Variants in CEP290 observed in about 807,000 individuals in gnomAD.
CEP290 encodes the protein centrosomal protein 290, also known as centrosomal protein of 290 kDa.
A neutral mutation model predicts 344.9 loss-of-function variants in CEP290; 317 were observed. The ratio of observed to expected loss-of-function variants is 0.92; its 90% CI spans 0.84 to 1.01. The LOEUF is 1.01. CEP290 is among the 50% of genes least tolerant of loss of function. The probability of loss-of-function intolerance (pLI) is 0.00; values close to 1 mark genes in which losing one functional copy is unlikely to be tolerated. For synonymous variants in CEP290, 932 were observed against 895.8 expected, an observed-to-expected ratio of 1.04 and a Z score of -0.72; for missense variants, 2,754 against 2,761.4, an observed-to-expected ratio of 1.00 and a Z score of 0.06.
intron 44 of CEP290, 83 bp from the exon 45 acceptor site, chr12:88,064,198 C>T: frequency 8.4e-7 from 1 of 1,187,674 alleles, no homozygotes; most frequent in Non-Finnish European, 1.2e-6. Context: ...AAAATACTGT[C>T]AAAAGGTAAC....
chr12:88,062,862 C>T (rs2034585258), intron 45 of CEP290, 84 bp from the exon 46 acceptor site: 2 of 830,144 alleles, frequency 2.4e-6, no homozygotes, highest in African/African-American at 1.7e-5. Context: ...TAAGAACCAT[C>T]AATCTCTTCA....
intron 25 of CEP290, among the ~76,000 whole-genome samples, chr12:88,106,137 T>G (rs917818185): frequency 1.4e-4 from 22 of 152,296 alleles, no homozygotes; most frequent in Middle Eastern, 6.8e-3. Context: ...ATATAAAGTA[T>G]AGAACACTAC....
In CEP290 at chr12:88,102,806, T is replaced by C; in HGVS notation, c.2991+32A>G. On this transcript the variant is annotated intron_variant, in intron 26 of 53. Transcript: ENST00000552810. ...AAAAATATTGAAGAAAAATGGCTAA[T>C]TTCACAAGGTTCAAGAATCACACAA... The C allele has an allele frequency of 1.9e-6, 3 of 1,575,124 alleles. No homozygotes were observed. In the South Asian group the frequency reaches 3.6e-5, roughly 19 times the overall value.
intron 48 of CEP290, among the ~76,000 whole-genome samples, chr12:88,059,394 C>T (rs2471513): frequency 0.88 from 134,062 of 152,172 alleles, 59,941 homozygotes; most frequent in East Asian, 0.99. Flanking sequence ...TATGTGTAAG[C>T]AACGTAGATC....
rs747361130 is a variant in CEP290, at chr12:88,084,763, C to T, written c.4527G>A (p.Leu1509=). 1 of 1,613,566 alleles carries T rather than the reference C, an allele frequency of 6.2e-7. No homozygotes were observed. Among genetic ancestry groups the T allele is most frequent in the South Asian group, 1.1e-5 (1 of 91,058 alleles). The change falls in exon 35 of 54, where the codon TTG becomes TTA. Residue 1509 remains leucine, a synonymous_variant. Transcript: ENST00000552810. ...DKVINELRLR[L]PATAEREKLI... is the part of the protein sequence containing the mutation. ...GCTTTTCTCTTTCTGCAGTGGCAGGCAATCGAAGCCTCAGTTCATTGATTA... is the reference window on the plus strand; with the variant it reads ...GCTTTTCTCTTTCTGCAGTGGCAGGTAATCGAAGCCTCAGTTCATTGATTA...
intron 45 of CEP290, among the ~76,000 whole-genome samples, chr12:88,063,248 A>G (rs2034624876): frequency 6.6e-6 from 1 of 151,994 alleles, no homozygotes; most frequent in Admixed American, 6.5e-5. Flanking sequence ...CTATATCATT[A>G]CCAGTGGAAT....
At chr12:88,083,688 G>A (rs769860547) in intron 36 of CEP290, among the ~76,000 whole-genome samples, 159 bp downstream of exon 36, 9 of 152,208 alleles carry the variant, frequency 5.9e-5, no homozygotes, top group East Asian at 1.9e-4. Flanking sequence ...TGTGAACAGC[G>A]GTGAGCTACA....
At chr12:88,096,584 T>C (rs778732523) in intron 27 of CEP290, among the ~76,000 whole-genome samples, 59 of 152,070 alleles carry the variant, frequency 3.9e-4, no homozygotes, top group Non-Finnish European at 6.8e-4. Context: ...GAACTCATAA[T>C]ACCATTAATA....
chr12:88,138,692 C>T (rs1043210086), intron 5 of CEP290, among the ~76,000 whole-genome samples: 1 of 152,212 alleles, frequency 6.6e-6, no homozygotes, highest in Non-Finnish European at 1.5e-5. Flanking sequence ...CCTCTCCTAA[C>T]ACAAAGGAAA....
chr12:88,083,653 T>C (rs1016470126), intron 36 of CEP290, among the ~76,000 whole-genome samples, 194 bp downstream of exon 36: 5 of 152,166 alleles, frequency 3.3e-5, no homozygotes, highest in African/African-American at 7.2e-5. Context: ...ATTGAGTACA[T>C]GGCTAAGAAT....
intron 13 of CEP290, among the ~76,000 whole-genome samples, chr12:88,122,532 C>T (rs1033534745): frequency 6.6e-6 from 1 of 152,092 alleles, no homozygotes; most frequent in African/African-American, 2.4e-5. Context: ...TACCATTAGC[C>T]ATTACGTTTT....
chr12:88,054,811 G>T (rs1217335899), intron 50 of CEP290, among the ~76,000 whole-genome samples: 1 of 152,166 alleles, frequency 6.6e-6, no homozygotes, highest in Non-Finnish European at 1.5e-5. Flanking sequence ...TAGGGTTAGG[G>T]AAGGTCTCTC....
chr12:88,123,339 A>G (rs1434529224), intron 13 of CEP290, among the ~76,000 whole-genome samples: 1 of 152,074 alleles, frequency 6.6e-6, no homozygotes, highest in Non-Finnish European at 1.5e-5. Flanking sequence ...CTTTATAGAA[A>G]CAGTCCTGGA....
rs757752360 is a variant in CEP290 at position 88,071,391 on chromosome 12, C to G, written c.5914G>C (p.Asp1972His). 1 of 1,612,286 alleles carries G rather than the reference C, an allele frequency of 6.2e-7. No individual in the cohort carries two copies. The highest frequency in any genetic ancestry group is 1.7e-5 in the Admixed American group (1 of 59,856). ...AAAGCTCGTATTCCCAAAACCTGAT[C>G]AACAGTCATGCCAGTTGTTTTTAGT... ...RKLKTTGMTV[D>H]QVLGIRALES... Residue 1972 changes from aspartate to histidine, a missense_variant, in exon 43 of 54, where the codon GAT (aspartate) becomes CAT (histidine). By Grantham distance (81) the Asp-to-His change is moderately conservative. Coordinates refer to ENST00000552810, the MANE Select transcript of CEP290 (RefSeq NM_025114.4).
intron 26 of CEP290, among the ~76,000 whole-genome samples, chr12:88,101,262 A>C (rs2037853051): frequency 6.6e-6 from 1 of 151,778 alleles, no homozygotes; most frequent in African/African-American, 2.4e-5. Context: ...CGGGTGGATC[A>C]CGAGTTCAGG....
chr12:88,074,220 C>T (rs927822794), intron 41 of CEP290, among the ~76,000 whole-genome samples: 11 of 151,336 alleles, frequency 7.3e-5, no homozygotes, highest in South Asian at 4.2e-4. Flanking sequence ...AATAAAACTC[C>T]ATCTCAAAAA....
chr12:88,106,402 C>A (rs981023033), intron 25 of CEP290, among the ~76,000 whole-genome samples: 22 of 151,696 alleles, frequency 1.5e-4, no homozygotes, highest in African/African-American at 4.4e-4. Flanking sequence ...GGGTATTAGG[C>A]GATATTAGAA....
At chr12:88,053,156 A>C (rs547437911) in intron 52 of CEP290, among the ~76,000 whole-genome samples, 57 of 152,312 alleles carry the variant, frequency 3.7e-4, no homozygotes, top group African/African-American at 1.4e-3. Flanking sequence ...TATGTGTGAT[A>C]TATATGTATA....
Position 88,130,303 on chromosome 12 carries a change from T to A in CEP290, c.634A>T (p.Asn212Tyr), listed in dbSNP as rs527704077. The A allele has an allele frequency of 3.7e-6, 6 of 1,606,602 alleles. No individual in the cohort carries two copies. In the South Asian group the frequency reaches 6.7e-5, roughly 18 times the overall value. The change falls in exon 9 of 54, where the codon AAC (asparagine) becomes TAC (tyrosine). Residue 212 changes from asparagine (N) to tyrosine (Y), a missense_variant. Coordinates refer to ENST00000552810, the MANE Select transcript of CEP290 (RefSeq NM_025114.4). The stretch of plus-strand genomic sequence containing the variant: ...TCAAGATATTGGATAAGCTCATAGT[T>A]TTTTTTAGACAACTGTGATCGGTAG... ...SDYRSQLSKK[N>Y]YELIQYLDEI...
Sources: gnomAD v4.1 joint callset for allele counts (sites outside exome capture counted in the v4.1 genomes callset) on GRCh38, gnomAD v4.1.1 for gene constraint, MANE v1.5 for transcripts, NCBI Gene and HGNC (gene_info 2026-07-23, HGNC 2026-07-21) for gene names.